TSNARE1: variants seen among roughly 807,000 people sequenced by gnomAD.
The protein encoded by TSNARE1 is t-SNARE domain containing 1.
A neutral mutation model predicts 62.0 loss-of-function variants in TSNARE1; 49 were observed. The observed-to-expected ratio is 0.79, with a 90% CI of 0.63 to 1.00. TSNARE1 has a LOEUF of 1.00. Among genes scored for constraint, TSNARE1 ranks in the 50% least tolerant of loss-of-function variants. The pLI, the probability that TSNARE1 is intolerant of heterozygous loss-of-function variation, is 0.00. For synonymous variants in TSNARE1, 328 were observed against 294.4 expected (o/e 1.11, Z -1.17); for missense variants, 755 against 700.1 (o/e 1.08, Z -0.88).
intron 12 of TSNARE1, among the ~76,000 whole-genome samples, chr8:142,241,985 G>A (rs12549009): frequency 0.45 from 45,074 of 100,322 alleles, 10,353 homozygotes; most frequent in African/African-American, 0.66. Flanking sequence ...TAAAACTACA[G>A]TCTCCATCTC....
At chr8:142,280,605 C>A (rs1282331401) in intron 11 of TSNARE1, among the ~76,000 whole-genome samples, 1 of 152,198 alleles carries the variant, frequency 6.6e-6, no homozygotes, top group Non-Finnish European at 1.5e-5. Flanking sequence ...ACGACTGCTC[C>A]CTTCCCTGAA....
At chr8:142,274,564 G>A (rs1247907145) in intron 12 of TSNARE1, 14 of 985,258 alleles carry the variant, frequency 1.4e-5, no homozygotes, top group Non-Finnish European at 1.6e-5. Flanking sequence ...AGACGGTGCC[G>A]ACCGCTGTGG....
chr8:142,402,616 T>A (rs572123813), intron 1 of TSNARE1, among the ~76,000 whole-genome samples: 12 of 152,296 alleles, frequency 7.9e-5, no homozygotes, highest in African/African-American at 2.4e-4. Flanking sequence ...CAGAAAGGCA[T>A]GGAGAGGCAA....
intron 11 of TSNARE1, chr8:142,280,028 C>A: frequency 8.2e-7 from 1 of 1,224,008 alleles, no homozygotes; most frequent in South Asian, 1.4e-5. Flanking sequence ...TTGAGGTCCC[C>A]CAGGTCGCGG....
intron 1 of TSNARE1, among the ~76,000 whole-genome samples, chr8:142,364,426 A>G (rs540748978): frequency 3.6e-4 from 55 of 152,326 alleles, no homozygotes; most frequent in African/African-American, 1.3e-3. Context: ...ACTCATTTAC[A>G]TAGCTGAGTG....
At chr8:142,241,242 A>T (rs1563770836) in intron 12 of TSNARE1, among the ~76,000 whole-genome samples, 1 of 152,244 alleles carries the variant, frequency 6.6e-6, no homozygotes, top group Non-Finnish European at 1.5e-5. Context: ...TATCCACAAA[A>T]GAAGTCAAGA....
intron 10 of TSNARE1, among the ~76,000 whole-genome samples, chr8:142,294,086 G>A (rs1403495888): frequency 6.6e-6 from 1 of 152,172 alleles, no homozygotes; most frequent in Non-Finnish European, 1.5e-5. Context: ...AGGGAGGGGA[G>A]GAAAGAGCAA....
intron 1 of TSNARE1, among the ~76,000 whole-genome samples, chr8:142,402,296 A>G (rs1488292461): frequency 6.6e-6 from 1 of 152,082 alleles, no homozygotes; most frequent in Non-Finnish European, 1.5e-5. Flanking sequence ...AGTGTTCCCT[A>G]CCCGCGCTGC....
intron 12 of TSNARE1, chr8:142,271,686 C>A: frequency 1.5e-6 from 2 of 1,373,884 alleles, no homozygotes; most frequent in Non-Finnish European, 9.4e-7. Flanking sequence ...TCGTCCTCCT[C>A]ATCAGCTAAC....
intron 10 of TSNARE1, among the ~76,000 whole-genome samples, chr8:142,299,261 G>T (rs1825273088): frequency 6.6e-6 from 1 of 152,240 alleles, no homozygotes; most frequent in Admixed American, 6.5e-5. Context: ...AGCACTGTGG[G>T]GTATTCCCTT....
intron 9 of TSNARE1, among the ~76,000 whole-genome samples, chr8:142,310,287 T>C (rs1048225700): frequency 6.6e-6 from 1 of 152,228 alleles, no homozygotes; most frequent in Non-Finnish European, 1.5e-5. Context: ...TCTCTGATGA[T>C]GCGAGGACGT....
intron 13 of TSNARE1, among the ~76,000 whole-genome samples, chr8:142,216,305 A>G (rs1815834538): frequency 6.6e-6 from 1 of 152,116 alleles, no homozygotes; most frequent in East Asian, 1.9e-4. Flanking sequence ...AGATGGGCGG[A>G]CGCTGGTGCA....
At chr8:142,236,510 GC>G in intron 12 of TSNARE1, among the ~76,000 whole-genome samples, 3 of 149,998 alleles carry the variant, frequency 2.0e-5, no homozygotes, top group Non-Finnish European at 4.4e-5. Flanking sequence ...CCCCAAGTTG[GC>G]CCCCCTCCCC....
chr8:142,340,179 C>T lies in TSNARE1; in HGVS notation c.745+3787G>A, dbSNP rs139698100. On this transcript the variant is annotated intron_variant, in intron 4 of 13. Transcript: ENST00000524325. ...TCAGGCCTTGGAAGATGGAGACAGG[C>T]GAGCACCAGTCCAAAAAGAACACGG... Among the ~76,000 whole-genome samples, 873 of 152,286 alleles carry T rather than the reference C, an allele frequency of 5.7e-3. 8 individuals carry two copies. The highest frequency in any genetic ancestry group is 0.02 in the African/African-American group (837 of 41,560).
intron 11 of TSNARE1, among the ~76,000 whole-genome samples, chr8:142,282,292 AC>A (rs375649881): frequency 1.1e-4 from 17 of 152,084 alleles, no homozygotes; most frequent in African/African-American, 3.6e-4. Flanking sequence ...AACCCTATCC[AC>A]CCCAGAACAG....
At position 142,246,880 on chromosome 8, in the gene TSNARE1, C is replaced by T. The variant is rs895503592; in HGVS notation, c.1447-17301G>A. Among the ~76,000 whole-genome samples, 21 of 152,196 alleles carry T rather than the reference C, an allele frequency of 1.4e-4. 1 individual carries two copies. Among genetic ancestry groups the T allele is most frequent in the Admixed American group, 6.5e-4 (10 of 15,290 alleles). The stretch of plus-strand genomic sequence containing the variant: ...ACATCAGCACCACCCTGAGAATGTG[C>T]GAGGCAGCGATGAGCAAAGACCATC... On this transcript the variant is annotated intron_variant, in intron 12 of 13. Transcript: ENST00000524325.
intron 4 of TSNARE1, among the ~76,000 whole-genome samples, chr8:142,340,898 A>G (rs1429834102): frequency 6.6e-6 from 1 of 152,262 alleles, no homozygotes; most frequent in Non-Finnish European, 1.5e-5. Flanking sequence ...GGGAAGCCAC[A>G]GCACAGCATG....
intron 12 of TSNARE1, among the ~76,000 whole-genome samples, chr8:142,242,704 G>T (rs895752373): frequency 6.6e-6 from 1 of 152,200 alleles, no homozygotes; most frequent in Non-Finnish European, 1.5e-5. Flanking sequence ...GTTCATGCCT[G>T]TAATCCCAGC....
At chr8:142,352,424 G>A (rs746778602) in intron 2 of TSNARE1, among the ~76,000 whole-genome samples, 48 of 152,258 alleles carry the variant, frequency 3.2e-4, no homozygotes, top group Admixed American at 5.9e-4. Context: ...GGTGGGGCCC[G>A]CATCAGCTCG....
Sources: allele counts gnomAD v4.1 joint callset (sites outside exome capture counted in the v4.1 genomes callset), GRCh38; gene constraint gnomAD v4.1.1; transcripts MANE v1.5; gene names NCBI Gene and HGNC (gene_info 2026-07-23, HGNC 2026-07-21).